The following CNTLN variants were observed in gnomAD, a reference collection of about 807,000 sequenced individuals.
CNTLN encodes the protein centlein.
Under a neutral mutation model 180.0 loss-of-function variants are expected in CNTLN, and 212 were observed. The observed-to-expected ratio is 1.18, with a 90% CI of 1.05 to 1.32. CNTLN has a LOEUF of 1.32. Ranked by LOEUF, CNTLN falls within the 40% of genes most tolerant of loss-of-function variation. CNTLN has a pLI of 0.00. For synonymous variants in CNTLN, 722 were observed against 563.1 expected (o/e 1.28, Z -3.99); for missense variants, 2,095 against 1,610.9 (o/e 1.30, Z -5.14).
At chr9:17,526,221 C>G in the CNTLN span, among the ~76,000 whole-genome samples, 1 of 152,200 alleles carries the variant, frequency 6.6e-6, no homozygotes, top group Non-Finnish European at 1.5e-5. Context: ...AGGCGTGAGC[C>G]ACCGTGCCCG....
intron 5 of CNTLN, among the ~76,000 whole-genome samples, chr9:17,267,922 C>G (rs189172650): frequency 6.6e-6 from 1 of 152,120 alleles, no homozygotes; most frequent in Non-Finnish European, 1.5e-5. Context: ...ATTAGTTGTT[C>G]TAGTTATCCA....
At chr9:17,215,428 AG>A (rs1367020290) in intron 2 of CNTLN, among the ~76,000 whole-genome samples, 1 of 152,174 alleles carries the variant, frequency 6.6e-6, no homozygotes, top group Admixed American at 6.5e-5. Context: ...ATCTCAGAGG[AG>A]TACCCAGACA....
chr9:17,165,152 C>T (rs1819982027), intron 2 of CNTLN, among the ~76,000 whole-genome samples: 1 of 152,026 alleles, frequency 6.6e-6, no homozygotes, highest in African/African-American at 2.4e-5. Context: ...AGAACATTTT[C>T]CTAAGTGACT....
At chr9:17,452,552 T>G (rs1318153618) in intron 18 of CNTLN, among the ~76,000 whole-genome samples, 3 of 152,208 alleles carry the variant, frequency 2.0e-5, no homozygotes, top group African/African-American at 7.2e-5. Context: ...TGTTTCTTCA[T>G]AGCACTTACT....
intron 5 of CNTLN, among the ~76,000 whole-genome samples, chr9:17,265,680 G>T (rs1297677128): frequency 3.9e-5 from 6 of 152,142 alleles, no homozygotes; most frequent in East Asian, 3.9e-4. Flanking sequence ...GACTCTTTTT[G>T]GTTGGTAAGC....
intron 25 of CNTLN, among the ~76,000 whole-genome samples, chr9:17,492,814 A>T (rs1322793271): frequency 6.6e-6 from 1 of 152,216 alleles, no homozygotes; most frequent in Non-Finnish European, 1.5e-5. Context: ...TGTTGACAAT[A>T]GCCAAATGAT....
At chr9:17,334,313 G>A (rs1306004162) in intron 10 of CNTLN, among the ~76,000 whole-genome samples, 1 of 152,038 alleles carries the variant, frequency 6.6e-6, no homozygotes, top group Non-Finnish European at 1.5e-5. Context: ...TCCTGCCTCA[G>A]CCTCCCAAAG....
intron 13 of CNTLN, 23 bp from the exon 14 acceptor site, chr9:17,388,139 A>G (rs2133660763): frequency 6.7e-7 from 1 of 1,487,058 alleles, no homozygotes; most frequent in East Asian, 2.3e-5. Flanking sequence ...TGGTATCATA[A>G]TATATTATTT....
chr9:17,288,705 T>A (rs1253741674), intron 6 of CNTLN, among the ~76,000 whole-genome samples: 1 of 138,752 alleles, frequency 7.2e-6, no homozygotes, highest in Non-Finnish European at 1.5e-5. Context: ...ATTGGGTGCA[T>A]ATATATTTAG....
chr9:17,356,193 T>A (rs966501092), intron 12 of CNTLN, among the ~76,000 whole-genome samples: 1 of 152,196 alleles, frequency 6.6e-6, no homozygotes, highest in African/African-American at 2.4e-5. Context: ...TAAGTTTTTC[T>A]TATCAGGATC....
intron 2 of CNTLN, among the ~76,000 whole-genome samples, chr9:17,155,677 C>T (rs1408415862): frequency 6.6e-6 from 1 of 152,122 alleles, no homozygotes; most frequent in Non-Finnish European, 1.5e-5. Flanking sequence ...AATTTAAAGC[C>T]AGTAGATCTT....
chr9:17,242,357 G>A (rs966264639), intron 5 of CNTLN, among the ~76,000 whole-genome samples: 10 of 151,584 alleles, frequency 6.6e-5, no homozygotes, highest in Admixed American at 3.9e-4. Context: ...TCACCCAGGC[G>A]GGAGTGCAGT....
At chr9:17,359,388 C>A (rs925711099) in intron 12 of CNTLN, among the ~76,000 whole-genome samples, 14 of 151,810 alleles carry the variant, frequency 9.2e-5, no homozygotes, top group Non-Finnish European at 1.8e-4. Context: ...TATGTTAAAA[C>A]CAAGAACTTA....
intron 10 of CNTLN, among the ~76,000 whole-genome samples, chr9:17,336,717 AAAATT>A (rs1821064646): frequency 6.6e-6 from 1 of 152,162 alleles, no homozygotes; most frequent in Non-Finnish European, 1.5e-5. Flanking sequence ...TTTTTTTAAA[AAAATT>A]ATACTTTAAG....
intron 2 of CNTLN, among the ~76,000 whole-genome samples, chr9:17,153,299 T>C (rs1299190742): frequency 1.3e-5 from 2 of 152,250 alleles, no homozygotes; most frequent in Admixed American, 6.5e-5. Context: ...ATACCAGTTG[T>C]TCCTTTCCAT....
rs763010380 is a variant in CNTLN at position 17,330,756 on chromosome 9, A to G, written c.1466A>G (p.Asn489Ser). The G allele has an allele frequency of 1.3e-5, 21 of 1,611,504 alleles. No individual in the cohort carries two copies. In the South Asian group the frequency reaches 2.2e-4, roughly 17 times the overall value. The change falls in exon 9 of 26, where the codon AAC becomes AGC. Residue 489 changes from asparagine (N) to serine (S), a missense_variant. Transcript: ENST00000380647. ...NEKLSENISA[N>S]KGFSRKSIMT... ...AAACTGTCAGAAAACATATCTGCCAACAAGGGTTTCTCCCGAAAGAGCATC... is the reference window on the plus strand; with the variant it reads ...AAACTGTCAGAAAACATATCTGCCAGCAAGGGTTTCTCCCGAAAGAGCATC...
At position 17,294,622 on chromosome 9, in the gene CNTLN, A is replaced by G. The variant is rs544919432; in HGVS notation, c.984-3568A>G. On this transcript the variant is annotated intron_variant, in intron 6 of 25. Coordinates refer to ENST00000380647, the MANE Select transcript of CNTLN (RefSeq NM_017738.4). ...CTCAGGAGCCCAGCTGGCTTCACCC[A>G]GTGTATCCCGCACAGGGGCCACAGG... is the stretch of plus-strand genomic sequence containing the variant. Among the ~76,000 whole-genome samples the G allele has an allele frequency of 1.0e-4, 15 of 149,620 alleles. No homozygotes were observed. In the East Asian group the frequency reaches 1.4e-3, roughly 14 times the overall value.
chr9:17,341,823 G>A (rs889646366), intron 11 of CNTLN, among the ~76,000 whole-genome samples: 1 of 152,152 alleles, frequency 6.6e-6, no homozygotes, highest in Non-Finnish European at 1.5e-5. Context: ...TGTCAGTAAA[G>A]CAGTGATAAA....
At chr9:17,177,225 T>C (rs1011317605) in intron 2 of CNTLN, among the ~76,000 whole-genome samples, 1 of 152,060 alleles carries the variant, frequency 6.6e-6, no homozygotes, top group Non-Finnish European at 1.5e-5. Context: ...TTGGCTAACA[T>C]GGTGAAACCC....
Sources: gnomAD v4.1 joint callset for allele counts (sites outside exome capture counted in the v4.1 genomes callset) on GRCh38, gnomAD v4.1.1 for gene constraint, MANE v1.5 for transcripts, NCBI Gene and HGNC (gene_info 2026-07-23, HGNC 2026-07-21) for gene names.